ZNF341: variants seen among roughly 807,000 people sequenced by gnomAD.
ZNF341 encodes the protein zinc finger protein 341.
Under a neutral mutation model 87.7 loss-of-function variants are expected in ZNF341, and 52 were observed. The observed-to-expected ratio is 0.59, with a 90% confidence interval of 0.47 to 0.75. The LOEUF (loss-of-function observed/expected upper bound fraction) is 0.75. Ranked by LOEUF, ZNF341 falls within the 30% of genes least tolerant of loss-of-function variation. ZNF341 has a pLI of 0.00. For synonymous variants in ZNF341, 459 were observed against 472.7 expected (o/e 0.97, Z 0.38); for missense variants, 977 against 1,145.9 (o/e 0.85, Z 2.13).
At chr20:33,734,819 C>G (rs184157839) in intron 1 of ZNF341, among the ~76,000 whole-genome samples, 2 of 152,190 alleles carry the variant, frequency 1.3e-5, no homozygotes, top group East Asian at 3.9e-4. Context: ...ATTCTTGTAC[C>G]TCAGCCTCCC....
chr20:33,761,480 T>G (rs915079596), intron 7 of ZNF341, among the ~76,000 whole-genome samples: 6 of 152,170 alleles, frequency 3.9e-5, no homozygotes, highest in African/African-American at 1.4e-4. Flanking sequence ...GCCAGGCTGG[T>G]CTCGAACTCC....
chr20:33,782,872 T>C (rs760410360), intron 11 of ZNF341, among the ~76,000 whole-genome samples: 2 of 152,130 alleles, frequency 1.3e-5, no homozygotes, highest in Non-Finnish European at 2.9e-5. Flanking sequence ...CATACAAAAA[T>C]TAGCTGGGTG....
chr20:33,750,744 G>A (rs1256600429), intron 4 of ZNF341, among the ~76,000 whole-genome samples: 2 of 151,926 alleles, frequency 1.3e-5, no homozygotes, highest in Non-Finnish European at 2.9e-5. Context: ...GGGTTCAAGC[G>A]ATTCTCCTGT....
chr20:33,753,046 C>CT (rs2019094598), intron 4 of ZNF341, 126 bp from the exon 5 acceptor site: 1 of 1,372,960 alleles, frequency 7.3e-7, no homozygotes, highest in African/African-American at 1.4e-5. Flanking sequence ...CTCTTAGCCC[C>CT]TCTCCTGAGC....
rs2018792047 is a variant in ZNF341, at chr20:33,741,081, G to C, written c.142+69G>C. Reference sequence around the variant, plus strand: ...CCCGCGAAGAGTAGGTGGAGCTTGTGCTGGGCTGTGGGAGTGAAATGCTTG... The same window carrying C: ...CCCGCGAAGAGTAGGTGGAGCTTGTCCTGGGCTGTGGGAGTGAAATGCTTG... On this transcript the variant is annotated intron_variant, in intron 2 of 14. Coordinates refer to ENST00000375200, the MANE Select transcript of ZNF341 (RefSeq NM_001282933.2). 3 of 1,450,510 alleles carry C rather than the reference G, an allele frequency of 2.1e-6. No homozygotes were observed. The Admixed American group carries it at 5.1e-5, about 24-fold the overall frequency. 89.9% of individuals were successfully genotyped at this position (1,450,510 alleles called of 1,614,324 possible).
chr20:33,768,432 GT>G (rs770218327), intron 9 of ZNF341, among the ~76,000 whole-genome samples: 9 of 140,332 alleles, frequency 6.4e-5, no homozygotes, highest in African/African-American at 1.6e-4. Context: ...CCGTGTTTTT[GT>G]TTTTTTTTTA....
At chr20:33,762,366 A>G (rs959505808) in intron 8 of ZNF341, among the ~76,000 whole-genome samples, 5 of 151,650 alleles carry the variant, frequency 3.3e-5, no homozygotes, top group Non-Finnish European at 7.4e-5. Flanking sequence ...TTTCCATTTA[A>G]TATTTTCAGA....
At chr20:33,758,456 A>G (rs919525635) in intron 6 of ZNF341, among the ~76,000 whole-genome samples, 4 of 152,180 alleles carry the variant, frequency 2.6e-5, no homozygotes, top group Non-Finnish European at 5.9e-5. Flanking sequence ...GCTGTGGGCC[A>G]TGGCAAAGAG....
chr20:33,781,696 T>C (rs2019750621), intron 11 of ZNF341, among the ~76,000 whole-genome samples: 1 of 140,896 alleles, frequency 7.1e-6, no homozygotes, highest in Non-Finnish European at 1.6e-5. Context: ...TGGCTCTTCT[T>C]TTTAATTTTT....
intron 1 of ZNF341, among the ~76,000 whole-genome samples, chr20:33,738,137 C>CAAA (rs35695162): frequency 8.5e-6 from 1 of 118,258 alleles, no homozygotes; most frequent in Non-Finnish European, 1.7e-5. Context: ...AACTCCATCT[C>CAAA]AAAAAAAAAA....
rs561807111 is a variant in ZNF341 at position 33,791,591 on chromosome 20, G to A, written c.*74G>A. On this transcript the variant is annotated 3_prime_UTR_variant, in exon 15 of 15. Coordinates refer to ENST00000375200, the MANE Select transcript of ZNF341 (RefSeq NM_001282933.2). ...GTCCAGGGCCCCTGGGGGCAGACCGGTGATCCTTACCAGTGGAAGCGAGCC... is the reference window on the plus strand; with the variant it reads ...GTCCAGGGCCCCTGGGGGCAGACCGATGATCCTTACCAGTGGAAGCGAGCC... The A allele has an allele frequency of 2.1e-6, 3 of 1,429,174 alleles. No homozygotes were observed. The highest frequency in any genetic ancestry group is 2.9e-5 in the South Asian group (2 of 69,774). The allele number at this position is 1,429,174 out of a possible 1,614,324, so 88.5% of individuals were successfully genotyped here.
intron 1 of ZNF341, among the ~76,000 whole-genome samples, chr20:33,735,308 G>A (rs6059436): frequency 0.012 from 1,758 of 152,278 alleles, 43 homozygotes; most frequent in African/African-American, 0.041. Context: ...GGGATTGCAG[G>A]CGTGAGGCAC....
intron 2 of ZNF341, among the ~76,000 whole-genome samples, chr20:33,741,388 GTCT>G (rs1402341014): frequency 4.0e-5 from 6 of 151,696 alleles, no homozygotes; most frequent in African/African-American, 1.5e-4. Flanking sequence ...GCCTGTAAGG[GTCT>G]TCTTTTTTTT....
intron 12 of ZNF341, chr20:33,787,006 A>C (rs2122738911): frequency 6.6e-6 from 1 of 152,048 alleles, no homozygotes; most frequent in Middle Eastern, 3.4e-3. Flanking sequence ...AAACAAAACA[A>C]AACAAAAAAA....
In ZNF341 at chr20:33,745,130, A is replaced by C; in HGVS notation, c.170A>C (p.Lys57Thr). 6.2e-7 allele frequency: 1 copy of C among 1,612,472 alleles called. No individual in the cohort carries two copies. Among genetic ancestry groups the C allele is most frequent in the Non-Finnish European group, 8.5e-7 (1 of 1,178,632 alleles). ...GACGAGGATGTATTTCTCTGCGGGA[A>C]GTGTAAGAAGCAATTCAACTCGCTG... is the stretch of plus-strand genomic sequence containing the variant. The part of the protein sequence containing the change: ...LDDEDVFLCG[K>T]CKKQFNSLPA... Residue 57 changes from lysine to threonine, a missense_variant, in exon 3 of 15, where the codon AAG becomes ACG. By Grantham distance (78) the Lys-to-Thr change is moderately conservative. This residue lies in a region of ZNF341 where 515 missense variants were observed against 598.2 expected (regional missense o/e 0.86). Coordinates refer to ENST00000375200, the MANE Select transcript of ZNF341 (RefSeq NM_001282933.2).
At chr20:33,768,068 C>T (rs576424960) in intron 9 of ZNF341, among the ~76,000 whole-genome samples, 44 of 152,040 alleles carry the variant, frequency 2.9e-4, no homozygotes, top group Non-Finnish European at 2.2e-4. Flanking sequence ...GACTGTATAT[C>T]GTTGGCTAGA....
At position 33,732,866 on chromosome 20, in the gene ZNF341, G is replaced by C. The variant is rs915708060; in HGVS notation, c.31+814G>C. Among the ~76,000 whole-genome samples the C allele has an allele frequency of 1.3e-5, 2 of 152,222 alleles. No homozygotes were observed. Among genetic ancestry groups the C allele is most frequent in the African/African-American group, 4.8e-5 (2 of 41,450 alleles). ...TGCTGGGCGTCGGGGAGGAAGGGCA[G>C]CCTTAGCGACTCGGGGCCATGGCGC... On this transcript the variant is annotated intron_variant, in intron 1 of 14. Transcript: ENST00000375200. The surrounding 1 kb of genome is among the most constrained non-coding windows in gnomAD (Gnocchi z 4.5).
chr20:33,790,940 C>A, intron 14 of ZNF341, 48 bp from the exon 15 acceptor site: 1 of 1,564,610 alleles, frequency 6.4e-7, no homozygotes, highest in Non-Finnish European at 8.7e-7. Context: ...GGCACTGTTG[C>A]GGGGTGAAGG....
chr20:33,775,411 C>T (rs1485017810), intron 10 of ZNF341, among the ~76,000 whole-genome samples: 7 of 151,764 alleles, frequency 4.6e-5, no homozygotes, highest in Admixed American at 4.6e-4. Flanking sequence ...GGGGTTTCAC[C>T]ATGTTAGCCA....
Sources: gnomAD v4.1 joint callset for allele counts (sites outside exome capture counted in the v4.1 genomes callset) on GRCh38, gnomAD v4.1.1 for gene constraint, gnomAD v4.1.1 regional missense constraint, Gnocchi (gnomAD v3.1) non-coding constraint, MANE v1.5 for transcripts, NCBI Gene and HGNC (gene_info 2026-07-23, HGNC 2026-07-21) for gene names.